The following GRM8 variants were observed in gnomAD, a reference collection of about 807,000 sequenced individuals.
GRM8 encodes metabotropic glutamate receptor 8.
GRM8 carries 47 observed loss-of-function variants against 87.2 expected under a neutral mutation model. That is an observed-to-expected ratio of 0.54 (90% confidence interval 0.43 to 0.69). The LOEUF (loss-of-function observed/expected upper bound fraction) is 0.69, where lower values mean the gene tolerates loss of function less well. Ranked by LOEUF, GRM8 falls within the 30% of genes least tolerant of loss-of-function variation. The pLI, the probability that GRM8 is intolerant of heterozygous loss-of-function variation, is 0.00. For missense variants in GRM8, 1,019 were observed against 1,139.2 expected (o/e 0.89, Z 1.52); for synonymous variants, 396 against 404.5 (o/e 0.98, Z 0.25).
At chr7:126,615,717 T>C (rs976438373) in intron 7 of GRM8, among the ~76,000 whole-genome samples, 1 of 151,816 alleles carries the variant, frequency 6.6e-6, no homozygotes, top group Non-Finnish European at 1.5e-5. Context: ...AAGGCGGGGG[T>C]TGCAATCCTA....
Position 126,748,412 on chromosome 7 carries a change from T to A in GRM8, c.1357+21453A>T, listed in dbSNP as rs1057209402. Among the ~76,000 whole-genome samples the A allele has an allele frequency of 1.1e-4, 17 of 152,044 alleles. No homozygotes were observed. The East Asian group carries it at 3.3e-3, about 29-fold the overall frequency. On this transcript the variant is annotated intron_variant, in intron 7 of 10. Coordinates refer to ENST00000339582, the MANE Select transcript of GRM8 (RefSeq NM_000845.3). ...TCACAAGACCATCAAAAATATGAAATAAAGAGAAATTTAACAAAATATATG... is the reference window on the plus strand; with the variant it reads ...TCACAAGACCATCAAAAATATGAAAAAAAGAGAAATTTAACAAAATATATG...
intron 7 of GRM8, among the ~76,000 whole-genome samples, chr7:126,648,615 G>A (rs958910251): frequency 2.0e-5 from 3 of 152,264 alleles, no homozygotes; most frequent in African/African-American, 7.2e-5. Context: ...AAACCAAAAG[G>A]CAAATCTGGC....
chr7:127,182,512 G>A (rs896618286), intron 2 of GRM8, among the ~76,000 whole-genome samples: 2 of 151,820 alleles, frequency 1.3e-5, no homozygotes, highest in African/African-American at 2.4e-5. Flanking sequence ...CCAGAAGAAA[G>A]GAAGCCATTA....
At chr7:126,924,034 A>G (rs1215834333) in intron 3 of GRM8, among the ~76,000 whole-genome samples, 1 of 152,208 alleles carries the variant, frequency 6.6e-6, no homozygotes, top group African/African-American at 2.4e-5. Flanking sequence ...TTCTCCAGAA[A>G]GGATCTGAGT....
At chr7:127,021,881 T>C (rs1193963350) in intron 3 of GRM8, among the ~76,000 whole-genome samples, 2 of 152,106 alleles carry the variant, frequency 1.3e-5, no homozygotes, top group African/African-American at 4.8e-5. Context: ...ATGTGCAATT[T>C]TTATGTCTCT....
At chr7:126,559,758 C>T (rs996994768) in intron 8 of GRM8, among the ~76,000 whole-genome samples, 1 of 152,082 alleles carries the variant, frequency 6.6e-6, no homozygotes, top group African/African-American at 2.4e-5. Context: ...TTCAGGAATC[C>T]ACCTGGTATG....
intron 2 of GRM8, among the ~76,000 whole-genome samples, chr7:127,157,352 G>A (rs989613233): frequency 5.9e-5 from 9 of 152,028 alleles, no homozygotes; most frequent in African/African-American, 1.7e-4. Context: ...TACACTGAAG[G>A]TTCTTAACTT....
intron 7 of GRM8, among the ~76,000 whole-genome samples, chr7:126,672,530 A>T (rs1248095001): frequency 6.6e-6 from 1 of 152,150 alleles, no homozygotes; most frequent in Non-Finnish European, 1.5e-5. Context: ...TCTCTGTACT[A>T]TTAGACACTT....
At chr7:126,770,481 C>G (rs1369509827) in intron 6 of GRM8, among the ~76,000 whole-genome samples, 1 of 152,042 alleles carries the variant, frequency 6.6e-6, no homozygotes, top group Non-Finnish European at 1.5e-5. Flanking sequence ...CTTTCACCAC[C>G]TACCAAATCA....
chr7:127,240,177 C>T (rs1015268427), intron 2 of GRM8, among the ~76,000 whole-genome samples: 5 of 152,060 alleles, frequency 3.3e-5, no homozygotes, highest in African/African-American at 1.2e-4. Context: ...TCCAGAATTA[C>T]CCAAGAAATT....
intron 6 of GRM8, among the ~76,000 whole-genome samples, chr7:126,894,643 A>T (rs1222945804): frequency 6.6e-6 from 1 of 152,068 alleles, no homozygotes; most frequent in African/African-American, 2.4e-5. Context: ...GCGGTTCACA[A>T]AGAGGGAATA....
intron 9 of GRM8, among the ~76,000 whole-genome samples, chr7:126,496,643 TTTGAAGGTA>T (rs1808787438): frequency 6.6e-6 from 1 of 151,988 alleles, no homozygotes; most frequent in South Asian, 2.1e-4. Context: ...AACCTCTCCC[TTTGAAGGTA>T]AAATCATCCA....
chr7:126,491,961 T>C (rs1056206482), intron 9 of GRM8, among the ~76,000 whole-genome samples: 1 of 152,036 alleles, frequency 6.6e-6, no homozygotes, highest in Admixed American at 6.6e-5. Flanking sequence ...AGAAGAATAA[T>C]AAAAAAGCCA....
At chr7:127,048,398 T>C (rs1013474527) in intron 3 of GRM8, among the ~76,000 whole-genome samples, 13 of 152,224 alleles carry the variant, frequency 8.5e-5, no homozygotes, top group African/African-American at 3.1e-4. Context: ...TGGTGGGCTT[T>C]ACTCTGACCA....
intron 2 of GRM8, among the ~76,000 whole-genome samples, chr7:127,223,914 T>TAAA (rs71177597): frequency 0.014 from 1,820 of 133,712 alleles, 15 homozygotes; most frequent in African/African-American, 0.018. Flanking sequence ...AAATGAAATG[T>TAAA]AAAAAAAAAA....
At chr7:126,709,680 A>G (rs1810902558) in intron 7 of GRM8, among the ~76,000 whole-genome samples, 1 of 152,178 alleles carries the variant, frequency 6.6e-6, no homozygotes, top group South Asian at 2.1e-4. Context: ...GTATATATCT[A>G]AAAAATAAAA....
chr7:126,654,962 T>C (rs6974164), intron 7 of GRM8, among the ~76,000 whole-genome samples: 2,379 of 152,264 alleles, frequency 0.016, 49 homozygotes, highest in African/African-American at 0.042. Flanking sequence ...CACAGGGAAC[T>C]AATGCAAATA....
At chr7:126,858,376 C>T (rs1797863699) in intron 6 of GRM8, among the ~76,000 whole-genome samples, 1 of 152,156 alleles carries the variant, frequency 6.6e-6, no homozygotes, top group Non-Finnish European at 1.5e-5. Context: ...CCAAACTTGA[C>T]CTATAAGCAT....
chr7:126,442,356 A>G (rs140388318), intron 10 of GRM8, among the ~76,000 whole-genome samples: 105 of 152,178 alleles, frequency 6.9e-4, no homozygotes, highest in African/African-American at 2.5e-3. Context: ...TTTTTAATTT[A>G]TATAATACTC....
Sources: gnomAD v4.1 joint callset for allele counts (sites outside exome capture counted in the v4.1 genomes callset) on GRCh38, gnomAD v4.1.1 for gene constraint, MANE v1.5 for transcripts, NCBI Gene and HGNC (gene_info 2026-07-23, HGNC 2026-07-21) for gene names.